ADGRL3: variants seen among roughly 807,000 people sequenced by gnomAD.
ADGRL3 encodes calcium-independent alpha-latrotoxin receptor 3.
ADGRL3 carries 62 observed loss-of-function variants against 153.5 expected under a neutral mutation model. The ratio of observed to expected loss-of-function variants is 0.40; its 90% CI spans 0.33 to 0.50. The LOEUF is 0.50. Ranked by LOEUF, ADGRL3 falls within the 20% of genes least tolerant of loss-of-function variation. The pLI is 0.47. For missense variants in ADGRL3, 1,641 were observed against 1,859.4 expected (o/e 0.88, Z 2.16); for synonymous variants, 710 against 672.5 (o/e 1.06, Z -0.86).
chr4:61,236,325 C>G (rs1051652776), intron 1 of ADGRL3, among the ~76,000 whole-genome samples: 5 of 152,106 alleles, frequency 3.3e-5, no homozygotes, highest in African/African-American at 1.2e-4. Context: ...ATCAGTGTTT[C>G]TAAGCATGAG....
chr4:61,348,564 G>C (rs924036204), intron 1 of ADGRL3, among the ~76,000 whole-genome samples: 2 of 151,976 alleles, frequency 1.3e-5, no homozygotes, highest in Admixed American at 6.6e-5. Context: ...TTGGAAGGTG[G>C]AAGCATAATT....
At chr4:61,661,954 T>A (rs548884755) in intron 5 of ADGRL3, among the ~76,000 whole-genome samples, 1 of 152,314 alleles carries the variant, frequency 6.6e-6, no homozygotes, top group Admixed American at 6.5e-5. Context: ...AGAAAATAAA[T>A]ACCTTGTATT....
intron 2 of ADGRL3, among the ~76,000 whole-genome samples, chr4:61,484,922 C>T (rs1328971376): frequency 7.5e-6 from 1 of 133,800 alleles, no homozygotes; most frequent in Non-Finnish European, 1.7e-5. Context: ...CTATGTTGAA[C>T]TTATATTTTC....
At chr4:61,617,174 G>T (rs930398725) in intron 5 of ADGRL3, among the ~76,000 whole-genome samples, 2 of 152,250 alleles carry the variant, frequency 1.3e-5, no homozygotes, top group East Asian at 3.9e-4. Context: ...CAGGTGGTCT[G>T]CATTGTTCAT....
chr4:61,905,440 G>T (rs1006065801), intron 11 of ADGRL3, among the ~76,000 whole-genome samples: 1 of 152,062 alleles, frequency 6.6e-6, no homozygotes, highest in Non-Finnish European at 1.5e-5. Flanking sequence ...CCACCAGTGG[G>T]CCACAAATGC....
intron 4 of ADGRL3, among the ~76,000 whole-genome samples, chr4:61,546,746 C>T (rs2098715445): frequency 6.6e-6 from 1 of 151,946 alleles, no homozygotes; most frequent in Non-Finnish European, 1.5e-5. Flanking sequence ...AAAATGCAGA[C>T]TAAAGTTAAA....
chr4:62,029,642 T>G (rs1366946288), intron 22 of ADGRL3, among the ~76,000 whole-genome samples: 2 of 151,446 alleles, frequency 1.3e-5, no homozygotes, highest in Non-Finnish European at 3.0e-5. Context: ...GAAGAGTCCT[T>G]TGTTTTCATT....
rs953301315 is a variant in ADGRL3 at position 61,202,911 on chromosome 4, C to G, written c.-240+1146C>G. Among the ~76,000 whole-genome samples, 1 of 152,182 alleles carries G rather than the reference C, an allele frequency of 6.6e-6. No homozygotes were observed. Among genetic ancestry groups the G allele is most frequent in the African/African-American group, 2.4e-5 (1 of 41,454 alleles). On this transcript the variant is annotated intron_variant, in intron 1 of 26. Transcript: ENST00000683033. The surrounding 1 kb of genome is among the most constrained non-coding windows in gnomAD (Gnocchi z 5.0). Reference sequence around the variant, plus strand: ...GATGCCGGAGCTGATGCTGCTGGAGCTGAGCTTGCTTATTGAAATCGCCTG... The same window carrying G: ...GATGCCGGAGCTGATGCTGCTGGAGGTGAGCTTGCTTATTGAAATCGCCTG...
chr4:61,959,370 C>T (rs1482224060), intron 17 of ADGRL3, among the ~76,000 whole-genome samples: 1 of 152,174 alleles, frequency 6.6e-6, no homozygotes, highest in African/African-American at 2.4e-5. Context: ...TCTGCCTACT[C>T]TCTCCTGTCA....
At chr4:61,607,368 G>T (rs1440982730) in intron 5 of ADGRL3, among the ~76,000 whole-genome samples, 3 of 152,170 alleles carry the variant, frequency 2.0e-5, no homozygotes, top group African/African-American at 7.2e-5. Flanking sequence ...GGAGGCCAAG[G>T]TGGGCGGATT....
chr4:61,763,661 A>G (rs960875186), intron 8 of ADGRL3, among the ~76,000 whole-genome samples: 1 of 152,154 alleles, frequency 6.6e-6, no homozygotes. Flanking sequence ...AGATGCCAAA[A>G]ATACATAAAT....
intron 4 of ADGRL3, among the ~76,000 whole-genome samples, chr4:61,584,367 A>G (rs1419145877): frequency 6.6e-6 from 1 of 151,962 alleles, no homozygotes; most frequent in Admixed American, 6.6e-5. Flanking sequence ...TACAAGTCCA[A>G]AAGATACATG....
At chr4:61,433,356 C>CTT (rs77395683) in intron 2 of ADGRL3, among the ~76,000 whole-genome samples, 95 of 101,924 alleles carry the variant, frequency 9.3e-4, no homozygotes, top group African/African-American at 3.2e-3. Flanking sequence ...CTGTGAATAG[C>CTT]TTTTTTTTTA....
At chr4:61,626,564 T>G (rs1186254888) in intron 5 of ADGRL3, among the ~76,000 whole-genome samples, 1 of 152,144 alleles carries the variant, frequency 6.6e-6, no homozygotes, top group East Asian at 1.9e-4. Flanking sequence ...AATTTAACTT[T>G]AAGCCCAAGG....
chr4:61,321,630 G>T (rs2095358029), intron 1 of ADGRL3, among the ~76,000 whole-genome samples: 2 of 150,714 alleles, frequency 1.3e-5, no homozygotes, highest in East Asian at 1.9e-4. Flanking sequence ...GTAGCCTGTT[G>T]CTCCTAGACT....
intron 8 of ADGRL3, among the ~76,000 whole-genome samples, chr4:61,803,148 T>G (rs1388942748): frequency 2.0e-5 from 3 of 152,142 alleles, no homozygotes; most frequent in Non-Finnish European, 4.4e-5. Context: ...AAAAAGTTTT[T>G]TTTTTGTTTA....
intron 1 of ADGRL3, among the ~76,000 whole-genome samples, chr4:61,203,244 GAT>G (rs1425620726): frequency 1.3e-5 from 2 of 152,208 alleles, no homozygotes; most frequent in Non-Finnish European, 2.9e-5. Context: ...TATGGCCAGA[GAT>G]ATCATAGCAG....
At chr4:61,775,795 T>C (rs982734103) in intron 8 of ADGRL3, 2 of 766,780 alleles carry the variant, frequency 2.6e-6, no homozygotes, top group African/African-American at 3.4e-5. Flanking sequence ...CAGCACCTCC[T>C]GTAAAGCAGT....
chr4:61,860,577 G>A (rs2098330368), intron 9 of ADGRL3, among the ~76,000 whole-genome samples: 1 of 151,834 alleles, frequency 6.6e-6, no homozygotes, highest in African/African-American at 2.4e-5. Flanking sequence ...CAATATCTGG[G>A]CCCCTTTGTT....
Sources: allele counts gnomAD v4.1 joint callset (sites outside exome capture counted in the v4.1 genomes callset), GRCh38; gene constraint gnomAD v4.1.1; non-coding constraint Gnocchi (gnomAD v3.1); transcripts MANE v1.5; gene names NCBI Gene and HGNC (gene_info 2026-07-23, HGNC 2026-07-21).